The following MIPOL1 variants were observed in gnomAD, a reference collection of about 807,000 sequenced individuals.
MIPOL1 encodes mirror-image polydactyly 1, also known as mirror-image polydactyly gene 1 protein.
MIPOL1 carries 57 observed loss-of-function variants against 60.9 expected under a neutral mutation model. That is an observed-to-expected ratio of 0.94 (90% confidence interval 0.76 to 1.17). The LOEUF is 1.17. Among genes scored for constraint, MIPOL1 ranks in the 50% most tolerant of loss-of-function variants. The probability of loss-of-function intolerance (pLI) is 0.00; values close to 1 mark genes in which losing one functional copy is unlikely to be tolerated. For missense variants in MIPOL1, 551 were observed against 511.6 expected (o/e 1.08, Z -0.74); for synonymous variants, 179 against 168.8 (o/e 1.06, Z -0.47).
intron 11 of MIPOL1, among the ~76,000 whole-genome samples, chr14:37,438,697 CT>C (rs1169013803): frequency 6.6e-6 from 1 of 152,198 alleles, no homozygotes; most frequent in Admixed American, 6.6e-5. Context: ...ATCTGACCTG[CT>C]TTGGAGTTTA....
intron 10 of MIPOL1, among the ~76,000 whole-genome samples, chr14:37,415,513 C>T (rs1595677699): frequency 6.6e-6 from 1 of 151,656 alleles, no homozygotes; most frequent in African/African-American, 2.4e-5. Context: ...CCTGTAGTCC[C>T]AGCTACTCGG....
chr14:37,306,626 A>G (rs2086805379), intron 7 of MIPOL1, among the ~76,000 whole-genome samples: 1 of 151,862 alleles, frequency 6.6e-6, no homozygotes, highest in Non-Finnish European at 1.5e-5. Flanking sequence ...TAGAAATCGT[A>G]TTTAGCCAAC....
intron 3 of MIPOL1, among the ~76,000 whole-genome samples, chr14:37,253,798 ATAAT>A (rs748122604): frequency 2.6e-5 from 4 of 151,746 alleles, no homozygotes; most frequent in Non-Finnish European, 4.4e-5. Flanking sequence ...ACTATAGTAT[ATAAT>A]TAATAATATT....
At chr14:37,533,774 G>T (rs577393138) in intron 12 of MIPOL1, among the ~76,000 whole-genome samples, 49 of 152,080 alleles carry the variant, frequency 3.2e-4, no homozygotes, top group Non-Finnish European at 5.7e-4. Context: ...GCTTATTTTT[G>T]ACTCCGATGC....
intron 11 of MIPOL1, among the ~76,000 whole-genome samples, chr14:37,473,593 G>A (rs567502050): frequency 6.6e-6 from 1 of 152,170 alleles, no homozygotes; most frequent in Admixed American, 6.5e-5. Flanking sequence ...TTCTTTATTA[G>A]AACAGTTTAG....
At chr14:37,518,787 G>A (rs772514369) in intron 12 of MIPOL1, among the ~76,000 whole-genome samples, 1 of 152,136 alleles carries the variant, frequency 6.6e-6, no homozygotes, top group Non-Finnish European at 1.5e-5. Flanking sequence ...AAAATACAGA[G>A]TAATCTGGGA....
intron 12 of MIPOL1, among the ~76,000 whole-genome samples, chr14:37,521,908 A>ATT (rs199544079): frequency 1.5e-3 from 32 of 20,670 alleles, no homozygotes; most frequent in African/African-American, 4.7e-3. Flanking sequence ...ATATATATAT[A>ATT]TATTTTTTTT....
chr14:37,509,115 C>T (rs2095305459), intron 12 of MIPOL1, among the ~76,000 whole-genome samples: 2 of 152,008 alleles, frequency 1.3e-5, no homozygotes, highest in South Asian at 4.1e-4. Context: ...TCATCTATTT[C>T]CTTAAGCTTC....
chr14:37,371,047 C>G (rs910737227), intron 10 of MIPOL1, among the ~76,000 whole-genome samples: 2 of 151,728 alleles, frequency 1.3e-5, no homozygotes, highest in Non-Finnish European at 2.9e-5. Flanking sequence ...TCTGGCACTT[C>G]TGGTTGTGTG....
chr14:37,421,297 G>A (rs1358853834), intron 10 of MIPOL1, among the ~76,000 whole-genome samples: 1 of 152,052 alleles, frequency 6.6e-6, no homozygotes, highest in South Asian at 2.1e-4. Context: ...TTGTACATAC[G>A]TAGCACTGGC....
intron 11 of MIPOL1, among the ~76,000 whole-genome samples, chr14:37,498,563 A>T (rs978730377): frequency 6.6e-6 from 1 of 152,128 alleles, no homozygotes. Flanking sequence ...TTGGTAGAAA[A>T]ATCTGAGAAG....
At chr14:37,496,782 A>G (rs1249366697) in intron 11 of MIPOL1, among the ~76,000 whole-genome samples, 1 of 152,198 alleles carries the variant, frequency 6.6e-6, no homozygotes, top group Non-Finnish European at 1.5e-5. Context: ...GACTTTCTTC[A>G]CAGAATTGGA....
chr14:37,352,266 C>G (rs1242508259), intron 9 of MIPOL1, among the ~76,000 whole-genome samples: 1 of 11,530 alleles, frequency 8.7e-5, no homozygotes, highest in Middle Eastern at 0.015. Flanking sequence ...TGATCTATAT[C>G]TCTGTTTTGG....
At chr14:37,447,960 G>T (rs1008814592) in intron 11 of MIPOL1, among the ~76,000 whole-genome samples, 2 of 152,106 alleles carry the variant, frequency 1.3e-5, no homozygotes, top group Non-Finnish European at 2.9e-5. Flanking sequence ...TGACACAAAA[G>T]AGCAAGATTG....
intron 12 of MIPOL1, chr14:37,506,963 C>G (rs2095282924): frequency 6.6e-6 from 1 of 152,094 alleles, no homozygotes; most frequent in African/African-American, 2.4e-5. Context: ...AGACCCTTCT[C>G]AAAAGAAGAT....
chr14:37,370,196 A>G (rs2092600729), intron 10 of MIPOL1, among the ~76,000 whole-genome samples: 1 of 152,176 alleles, frequency 6.6e-6, no homozygotes, highest in South Asian at 2.1e-4. Context: ...GTTCTGTCTC[A>G]TTGTATTATA....
chr14:37,523,449 A>C (rs903902793), intron 12 of MIPOL1: 8 of 389,718 alleles, frequency 2.1e-5, no homozygotes, highest in African/African-American at 1.0e-4. Context: ...GCCAAATATA[A>C]ATATTAGAGT....
chr14:37,298,543 A>G (rs1352353742), intron 7 of MIPOL1, among the ~76,000 whole-genome samples: 1 of 152,210 alleles, frequency 6.6e-6, no homozygotes. Context: ...AATTTTTGCA[A>G]CCTACTCATC....
chr14:37,291,374 C>T (rs1436960700), intron 7 of MIPOL1, among the ~76,000 whole-genome samples: 1 of 152,142 alleles, frequency 6.6e-6, no homozygotes, highest in Non-Finnish European at 1.5e-5. Flanking sequence ...GATTGTGAAT[C>T]TTTCCTTTAT....
Sources: allele counts gnomAD v4.1 joint callset (sites outside exome capture counted in the v4.1 genomes callset), GRCh38; gene constraint gnomAD v4.1.1; transcripts MANE v1.5; gene names NCBI Gene and HGNC (gene_info 2026-07-23, HGNC 2026-07-21).